The following IL25 variants were observed in gnomAD, a reference collection of about 807,000 sequenced individuals.
IL25 encodes the protein interleukin 25, also known as interleukin-25.
A neutral mutation model predicts 13.2 loss-of-function variants in IL25; 10 were observed. That is an observed-to-expected ratio of 0.76 (90% CI 0.47 to 1.29). IL25 has a LOEUF of 1.29. Ranked by LOEUF, IL25 falls within the 50% of genes most tolerant of loss-of-function variation. The pLI is 0.00. For missense variants in IL25, 235 were observed against 232.4 expected (o/e 1.01, Z -0.07); for synonymous variants, 107 against 92.1 (o/e 1.16, Z -0.93).
chr14:23,375,483 T>C, intron 1 of IL25, 142 bp from the exon 3 acceptor site: 1 of 1,027,948 alleles, frequency 9.7e-7, no homozygotes, highest in Non-Finnish European at 1.4e-6. Flanking sequence ...TTGTTCAAAG[T>C]TACACAGCAA....
At chr14:23,375,526 C>T in intron 1 of IL25, 99 bp from the exon 3 acceptor site, 2 of 1,450,892 alleles carry the variant, frequency 1.4e-6, no homozygotes, top group Non-Finnish European at 1.9e-6. Context: ...AGGCCAAGGC[C>T]CCAGACGGAC....
chr14:23,375,669 C>G (rs1322362775), exon 2 of IL25: 2 of 1,614,096 alleles, frequency 1.2e-6, no homozygotes, highest in African/African-American at 2.7e-5. Flanking sequence ...CTGTACCACG[C>G]CCGTTGCCTG....
At chr14:23,375,534 G>T (rs1190471641) in intron 1 of IL25, 91 bp from the exon 3 acceptor site, 9 of 1,498,692 alleles carry the variant, frequency 6.0e-6, no homozygotes, top group Admixed American at 1.8e-5. Context: ...GCCCCAGACG[G>T]ACCATTTCCT....
intron 1 of IL25, among the ~76,000 whole-genome samples, chr14:23,374,558 T>G (rs1413010926): frequency 6.6e-6 from 1 of 152,172 alleles, no homozygotes; most frequent in Non-Finnish European, 1.5e-5. Context: ...GTGCAGGTGA[T>G]TTATTAGGGA....
At chr14:23,375,193 T>C (rs958709894) in intron 1 of IL25, among the ~76,000 whole-genome samples, 8 of 152,042 alleles carry the variant, frequency 5.3e-5, no homozygotes, top group African/African-American at 1.9e-4. Context: ...GAGGTTGCAG[T>C]TGAGCCAAGA....
rs116560917 is a variant in IL25, at chr14:23,376,307, G to A, written c.*427G>A. The A allele has an allele frequency of 5.6e-3, 1,065 of 190,704 alleles. 14 individuals carry two copies. The highest frequency in any genetic ancestry group is 0.024 in the African/African-American group (1,004 of 42,290). 11.8% of individuals were successfully genotyped at this position (190,704 alleles called of 1,614,324 possible). A position where few individuals can be genotyped will look rare whatever the true frequency, so the allele number is the denominator to read the frequency against. On this transcript the variant is annotated 3_prime_UTR_variant, in exon 2 of 2. Coordinates refer to ENST00000329715, the Ensembl canonical transcript of IL25. ...GAGCATCTACTTTGGGTGCATTCTAGTGTAGTTACTAGTCTTTTGACATGG... is the reference window on the plus strand; with the variant it reads ...GAGCATCTACTTTGGGTGCATTCTAATGTAGTTACTAGTCTTTTGACATGG...
At chr14:23,375,682 C>G in exon 2 of IL25, 1 of 1,614,198 alleles carries the variant, frequency 6.2e-7, no homozygotes, top group South Asian at 1.1e-5. Flanking sequence ...GTTGCCTGTG[C>G]CCGCACTGCG....
exon 2 of IL25, chr14:23,375,961 C>T: frequency 6.5e-7 from 1 of 1,548,220 alleles, no homozygotes; most frequent in Non-Finnish European, 8.8e-7. Context: ...GCCAGGATGC[C>T]CAGATGCTTG....
exon 2 of IL25, chr14:23,375,897 C>A (rs1246324941): frequency 6.2e-7 from 1 of 1,609,680 alleles, no homozygotes; most frequent in Admixed American, 1.7e-5. Context: ...CTGCTGGAGG[C>A]TGGTCCCTTT....
In IL25 at chr14:23,372,880, C is replaced by G. The variant is rs1890451834; in HGVS notation, c.-239C>G. On this transcript the variant is annotated 5_prime_UTR_variant, in exon 1 of 2. The change creates a new upstream start codon in the 5' untranslated region. Transcript: ENST00000329715. ...AAAACAGGCTTGCTGAAAATAAAAT[C>G]AGGACTCCTAACCTGCTCCAGTCAG... 3 of 1,228,670 alleles carry G rather than the reference C, an allele frequency of 2.4e-6. No individual in the cohort carries two copies. The highest frequency in any genetic ancestry group is 4.9e-5 in the East Asian group (2 of 40,794). 76.1% of individuals were successfully genotyped at this position (1,228,670 alleles called of 1,614,324 possible).
exon 2 of IL25, chr14:23,375,917 C>G (rs1890544819): frequency 6.2e-7 from 1 of 1,602,440 alleles, no homozygotes; most frequent in African/African-American, 1.3e-5. Context: ...TTTGGGAAAC[C>G]TGGAGCCAGG....
Position 23,375,773 on chromosome 14 carries a change from C to T in IL25, c.427C>T (p.Arg143Trp), listed in dbSNP as rs777553594. 50 of 1,614,112 alleles carry T rather than the reference C, an allele frequency of 3.1e-5. No homozygotes were observed. The highest frequency in any genetic ancestry group is 4.5e-5 in the East Asian group (2 of 44,896). ...CCACAACCAGACTGTCTTCTACCGG[C>T]GGCCATGCCATGGCGAGAAGGGCAC... The change falls in exon 2 of 2, where the codon CGG becomes TGG. Residue 143 changes from arginine to tryptophan, a missense_variant. Physicochemically the swap from Arg to Trp is moderately radical, Grantham distance 101. Coordinates refer to ENST00000329715, the Ensembl canonical transcript of IL25.
At chr14:23,373,078 C>T in exon 1 of IL25, 1 of 1,613,776 alleles carries the variant, frequency 6.2e-7, no homozygotes, top group Non-Finnish European at 8.5e-7. Flanking sequence ...GGCTGGGGGC[C>T]AAGTGGAGTG....
At chr14:23,375,721 C>G in exon 2 of IL25, 1 of 1,614,236 alleles carries the variant, frequency 6.2e-7, no homozygotes, top group Non-Finnish European at 8.5e-7. Context: ...CCCACATGGA[C>G]CCCCGGGGCA....
chr14:23,375,711 C>T (rs769307442), exon 2 of IL25: 4 of 1,614,222 alleles, frequency 2.5e-6, no homozygotes, highest in Non-Finnish European at 3.4e-6. Flanking sequence ...CAGACAGGCT[C>T]CCACATGGAC....
exon 1 of IL25, chr14:23,373,282 G>A: frequency 3.1e-6 from 5 of 1,614,186 alleles, no homozygotes; most frequent in Non-Finnish European, 4.2e-6. Context: ...CTGAGGTGGA[G>A]CACTGTGCCT....
At chr14:23,376,035 G>A (rs3811178) in exon 2 of IL25, 336,274 of 994,504 alleles carry the variant, frequency 0.34, 63,656 homozygotes, top group African/African-American at 0.73. Flanking sequence ...TTTGGGGAAA[G>A]CCTGCACTTC....
chr14:23,372,809 C>T, upstream of IL25: 3 of 714,908 alleles, frequency 4.2e-6, no homozygotes, highest in South Asian at 5.6e-5. Flanking sequence ...GTTTTTTAAC[C>T]TCAAGTCACT....
At chr14:23,375,925 A>G (rs1247541917) in exon 2 of IL25, 2 of 1,598,704 alleles carry the variant, frequency 1.3e-6, no homozygotes, top group Non-Finnish European at 1.7e-6. Flanking sequence ...ACCTGGAGCC[A>G]GGTGTACAAC....
Sources: allele counts gnomAD v4.1 joint callset (sites outside exome capture counted in the v4.1 genomes callset), GRCh38; gene constraint gnomAD v4.1.1; transcripts MANE v1.5; gene names NCBI Gene and HGNC (gene_info 2026-07-23, HGNC 2026-07-21).